Variants in SLC17A6 observed in about 807,000 individuals in gnomAD.
SLC17A6 encodes the protein solute carrier family 17 member 6.
Under a neutral mutation model 67.1 loss-of-function variants are expected in SLC17A6, and 35 were observed. The observed-to-expected ratio is 0.52, with a 90% CI of 0.40 to 0.69. The LOEUF is 0.69. Among genes scored for constraint, SLC17A6 ranks in the 30% least tolerant of loss-of-function variants. SLC17A6 has a pLI of 0.00. For synonymous variants in SLC17A6, 285 were observed against 252.3 expected, an observed-to-expected ratio of 1.13 and a Z score of -1.23; for missense variants, 588 against 723.9, an observed-to-expected ratio of 0.81 and a Z score of 2.15.
In SLC17A6 at chr11:22,377,788, T is replaced by G; in HGVS notation, c.*48T>G. 1 of 1,439,112 alleles carries G rather than the reference T, an allele frequency of 6.9e-7. No homozygotes were observed. Among genetic ancestry groups the G allele is most frequent in the East Asian group, 2.4e-5 (1 of 41,568 alleles). The allele number at this position is 1,439,112 out of a possible 1,614,324, so 89.1% of individuals were successfully genotyped here. ...TTTTAGTGTTTGTGATTAAATTCAT[T>G]GTGATTGCACAAAAATTTTAAAAAC... On this transcript the variant is annotated 3_prime_UTR_variant, in exon 12 of 12. Coordinates refer to ENST00000263160, the MANE Select transcript of SLC17A6 (RefSeq NM_020346.3).
intron 3 of SLC17A6, among the ~76,000 whole-genome samples, chr11:22,352,161 G>C (rs1263643945): frequency 6.8e-6 from 1 of 147,864 alleles, no homozygotes; most frequent in East Asian, 2.0e-4. Context: ...TGAGGATCTA[G>C]TGATGAACAG....
At chr11:22,369,821 A>G (rs1203517564) in intron 7 of SLC17A6, among the ~76,000 whole-genome samples, 1 of 152,030 alleles carries the variant, frequency 6.6e-6, no homozygotes, top group African/African-American at 2.4e-5. Context: ...GAACAATCTA[A>G]TAAGTTGCAG....
At chr11:22,363,584 C>G (rs1053564182) in intron 6 of SLC17A6, among the ~76,000 whole-genome samples, 2 of 152,092 alleles carry the variant, frequency 1.3e-5, no homozygotes, top group Non-Finnish European at 2.9e-5. Context: ...TGTGGTAGAA[C>G]AGTATCTGGC....
chr11:22,343,159 G>A lies in SLC17A6; in HGVS notation c.340-88G>A, dbSNP rs545167844. On this transcript the variant is annotated intron_variant, in intron 2 of 11. Transcript: ENST00000263160. The stretch of plus-strand genomic sequence containing the variant: ...AATGCATGAAGCGCCCAAGCCTTGG[G>A]GGCTTTTTGGCTTGTGAACCACTGA... 3.7e-6 allele frequency: 4 copies of A among 1,072,732 alleles called. No homozygotes were observed. In the South Asian group the frequency reaches 5.3e-5, roughly 14 times the overall value. The allele number at this position is 1,072,732 out of a possible 1,614,324, so 66.5% of individuals were successfully genotyped here. A position where few individuals can be genotyped will look rare whatever the true frequency, so the allele number is the denominator to read the frequency against.
chr11:22,365,828 A>G lies in SLC17A6; in HGVS notation c.891+139A>G, dbSNP rs1212489571. On this transcript the variant is annotated intron_variant, in intron 7 of 11. Coordinates refer to ENST00000263160, the MANE Select transcript of SLC17A6 (RefSeq NM_020346.3). ...ACTTCTTTTATTTTGGTCCATCCAT[A>G]TTCTCTGACTTAGGAATAATAGCTA... 9 of 859,610 alleles carry G rather than the reference A, an allele frequency of 1.0e-5. No homozygotes were observed. In the East Asian group the frequency reaches 2.2e-4, roughly 21 times the overall value. The allele number at this position is 859,610 out of a possible 1,614,324, so 53.2% of individuals were successfully genotyped here.
chr11:22,344,376 T>A (rs1401411598), intron 3 of SLC17A6, among the ~76,000 whole-genome samples: 1 of 152,168 alleles, frequency 6.6e-6, no homozygotes, highest in South Asian at 2.1e-4. Flanking sequence ...TGGGCACACC[T>A]CATCTCTCAG....
At chr11:22,365,425 G>GAA in intron 6 of SLC17A6, 122 bp from the exon 7 acceptor site, 1 of 1,172,978 alleles carries the variant, frequency 8.5e-7, no homozygotes, top group Non-Finnish European at 1.2e-6. Flanking sequence ...GTCAGTTGGA[G>GAA]AAACATAAGC....
chr11:22,346,377 G>A (rs554834641), intron 3 of SLC17A6, among the ~76,000 whole-genome samples: 1 of 152,134 alleles, frequency 6.6e-6, no homozygotes, highest in Non-Finnish European at 1.5e-5. Flanking sequence ...GCAGACTCCT[G>A]GTTCTTATAC....
intron 4 of SLC17A6, 25 bp downstream of exon 4, chr11:22,359,552 T>A (rs1856026589): frequency 1.4e-6 from 2 of 1,468,234 alleles, no homozygotes; most frequent in East Asian, 4.8e-5. Context: ...GGTGAAGCCT[T>A]TTTAAGATTG....
At chr11:22,343,489 T>G (rs1470892681) in intron 3 of SLC17A6, 124 bp downstream of exon 3, 6 of 709,192 alleles carry the variant, frequency 8.5e-6, no homozygotes, top group Non-Finnish European at 1.2e-5. Flanking sequence ...AGTCTTCTAG[T>G]CCCTTGACAC....
chr11:22,372,040 G>T (rs1204568109), intron 8 of SLC17A6, among the ~76,000 whole-genome samples: 1 of 151,900 alleles, frequency 6.6e-6, no homozygotes, highest in African/African-American at 2.4e-5. Context: ...ACCATTAAAT[G>T]ATAATGATAT....
intron 3 of SLC17A6, among the ~76,000 whole-genome samples, chr11:22,343,723 G>T (rs1488002829): frequency 6.6e-6 from 1 of 151,016 alleles, no homozygotes; most frequent in Non-Finnish European, 1.5e-5. Context: ...GGTGTAGAAC[G>T]GCAGATGCTG....
At chr11:22,363,680 T>C (rs1485690501) in intron 6 of SLC17A6, among the ~76,000 whole-genome samples, 1 of 152,200 alleles carries the variant, frequency 6.6e-6, no homozygotes, top group African/African-American at 2.4e-5. Flanking sequence ...TTATTAAATG[T>C]CACTTATCAT....
At chr11:22,362,648 C>T (rs947737077) in intron 5 of SLC17A6, 91 bp from the exon 6 acceptor site, 9 of 1,040,280 alleles carry the variant, frequency 8.7e-6, no homozygotes, top group Admixed American at 7.2e-5. Context: ...AGTGTTCCAG[C>T]GTCTGTGTGA....
intron 8 of SLC17A6, among the ~76,000 whole-genome samples, chr11:22,371,393 CCTGTTTCTAAGGAAA>C (rs1336950307): frequency 1.3e-5 from 2 of 152,118 alleles, no homozygotes; most frequent in East Asian, 3.9e-4. Context: ...TTTTGTAATT[CCTGTTTCTAAGGAAA>C]CTGTTTCCTC....
chr11:22,342,853 T>C, intron 2 of SLC17A6: 1 of 432,552 alleles, frequency 2.3e-6, no homozygotes, highest in Non-Finnish European at 4.6e-6. Context: ...GTCACTACAC[T>C]ACTGTGTCTG....
intron 3 of SLC17A6, among the ~76,000 whole-genome samples, chr11:22,348,639 G>T (rs1321615981): frequency 6.6e-6 from 1 of 151,932 alleles, no homozygotes; most frequent in Admixed American, 6.6e-5. Flanking sequence ...TTTGTCTGCA[G>T]AAATGAAGGG....
intron 2 of SLC17A6, among the ~76,000 whole-genome samples, chr11:22,342,748 G>A (rs549101476): frequency 6.6e-6 from 1 of 152,124 alleles, no homozygotes; most frequent in Non-Finnish European, 1.5e-5. Flanking sequence ...GTGGGGACAC[G>A]CTTTCTCTTA....
At chr11:22,376,518 G>C (rs1856234407) in intron 10 of SLC17A6, 27 bp from the exon 11 acceptor site, 4 of 1,613,538 alleles carry the variant, frequency 2.5e-6, no homozygotes, top group Middle Eastern at 3.3e-4. Flanking sequence ...AGGATGCCCT[G>C]AGTCAAAACT....
Sources: allele counts gnomAD v4.1 joint callset (sites outside exome capture counted in the v4.1 genomes callset), GRCh38; gene constraint gnomAD v4.1.1; transcripts MANE v1.5; gene names NCBI Gene and HGNC (gene_info 2026-07-23, HGNC 2026-07-21).